The following UBAC2 variants were observed in gnomAD, a reference collection of about 807,000 sequenced individuals.
UBAC2 encodes ubiquitin-associated domain-containing protein 2.
Under a neutral mutation model 44.0 loss-of-function variants are expected in UBAC2, and 26 were observed. That is an observed-to-expected ratio of 0.59 (90% CI 0.43 to 0.82). The LOEUF (loss-of-function observed/expected upper bound fraction) is 0.82, where lower values mean the gene tolerates loss of function less well. Ranked by LOEUF, UBAC2 falls within the 40% of genes least tolerant of loss-of-function variation. The probability of loss-of-function intolerance (pLI) is 0.00; values close to 1 mark genes in which losing one functional copy is unlikely to be tolerated. For missense variants in UBAC2, 329 were observed against 419.4 expected, an observed-to-expected ratio of 0.78 and a Z score of 1.88; for synonymous variants, 155 against 154.3, an observed-to-expected ratio of 1.00 and a Z score of -0.04.
chr13:99,237,788 C>G (rs184175325), intron 1 of UBAC2, among the ~76,000 whole-genome samples: 3 of 152,268 alleles, frequency 2.0e-5, no homozygotes, highest in East Asian at 3.9e-4. Context: ...AACATGGTCT[C>G]TACTAAGAAT....
rs776677891 is a variant in UBAC2 at position 99,200,929 on chromosome 13, C to A, written c.21C>A (p.Ser7=). 2.3e-6 allele frequency: 3 copies of A among 1,307,230 alleles called. No homozygotes were observed. Among genetic ancestry groups the A allele is most frequent in the Non-Finnish European group, 2.9e-6 (3 of 1,019,842 alleles). 81.0% of individuals were successfully genotyped at this position (1,307,230 alleles called of 1,614,324 possible). The change falls in exon 1 of 9, where the codon TCC becomes TCA. Residue 7 remains serine, a synonymous_variant. Coordinates refer to ENST00000403766, the MANE Select transcript of UBAC2 (RefSeq NM_001144072.2). MFTSTG[S]SGLYKAPLSK... ...GGACCATGTTCACCAGCACCGGCTC[C>A]AGTGGGCTCTGTGAGTACCGGCCTC... is the stretch of plus-strand genomic sequence containing the variant.
chr13:99,299,365 T>C (rs1490387189), intron 4 of UBAC2, among the ~76,000 whole-genome samples: 1 of 152,126 alleles, frequency 6.6e-6, no homozygotes, highest in Non-Finnish European at 1.5e-5. Context: ...AACATGAAAA[T>C]GCCTGTTTCT....
At chr13:99,367,956 T>G in intron 8 of UBAC2, 50 bp downstream of exon 8, 1 of 1,588,838 alleles carries the variant, frequency 6.3e-7, no homozygotes, top group African/African-American at 1.4e-5. Flanking sequence ...TGTTTCAGAG[T>G]TGAAGCAGTT....
intron 4 of UBAC2, among the ~76,000 whole-genome samples, chr13:99,297,262 T>G (rs1407408346): frequency 6.6e-6 from 1 of 152,196 alleles, no homozygotes; most frequent in East Asian, 1.9e-4. Context: ...AAATCCTGTG[T>G]GATTATTTTT....
At chr13:99,333,156 A>G (rs1872317593) in intron 6 of UBAC2, among the ~76,000 whole-genome samples, 1 of 152,224 alleles carries the variant, frequency 6.6e-6, no homozygotes, top group South Asian at 2.1e-4. Context: ...TGTGAATGTA[A>G]CATAGTATTA....
intron 5 of UBAC2, among the ~76,000 whole-genome samples, chr13:99,315,258 C>G (rs374916208): frequency 6.6e-6 from 1 of 152,098 alleles, no homozygotes; most frequent in African/African-American, 2.4e-5. Context: ...GCATTTGATT[C>G]TTATGAGTAG....
At chr13:99,246,776 A>G (rs1025256954) in intron 4 of UBAC2, among the ~76,000 whole-genome samples, 6 of 152,160 alleles carry the variant, frequency 3.9e-5, no homozygotes, top group African/African-American at 1.2e-4. Flanking sequence ...AGAGTTACAA[A>G]CTTGAATAAA....
intron 4 of UBAC2, among the ~76,000 whole-genome samples, chr13:99,257,015 G>A (rs1179075188): frequency 2.0e-5 from 3 of 152,116 alleles, no homozygotes; most frequent in African/African-American, 4.8e-5. Flanking sequence ...ACGGGCTATT[G>A]ATAATTAAGA....
chr13:99,271,619 A>G (rs2043817118), intron 4 of UBAC2, among the ~76,000 whole-genome samples: 1 of 152,212 alleles, frequency 6.6e-6, no homozygotes, highest in African/African-American at 2.4e-5. Flanking sequence ...TTTTTAAAAA[A>G]GCACTTAATC....
chr13:99,257,673 A>G (rs2043588778), intron 4 of UBAC2, among the ~76,000 whole-genome samples: 1 of 152,226 alleles, frequency 6.6e-6, no homozygotes, highest in Non-Finnish European at 1.5e-5. Flanking sequence ...TTTAAAAGCT[A>G]TAGATACCAT....
At chr13:99,356,284 T>C (rs1419077708) in intron 7 of UBAC2, 1 of 494,534 alleles carries the variant, frequency 2.0e-6, no homozygotes, top group Non-Finnish European at 4.3e-6. Flanking sequence ...CCTGACCCTT[T>C]TAGCCCCTGC....
At position 99,340,172 on chromosome 13, in the gene UBAC2, G is replaced by A; in HGVS notation, c.562-148G>A. On this transcript the variant is annotated intron_variant, in intron 6 of 8. Transcript: ENST00000403766. ...TTTGCACTGCTTAGTGTTCTGCAGT[G>A]TGGTAGAGGATTTTGCTTATTGCCT... is the stretch of plus-strand genomic sequence containing the variant. The A allele has an allele frequency of 9.3e-6, 7 of 754,744 alleles. No homozygotes were observed. The South Asian group carries it at 1.3e-4, about 14-fold the overall frequency. The allele number at this position is 754,744 out of a possible 1,614,324, so 46.8% of individuals were successfully genotyped here. A position where few individuals can be genotyped will look rare whatever the true frequency, so the allele number is the denominator to read the frequency against.
intron 4 of UBAC2, chr13:99,294,831 C>T (rs921457135): frequency 2.5e-5 from 10 of 392,566 alleles, no homozygotes; most frequent in East Asian, 1.3e-4. Flanking sequence ...TTGGTGTATT[C>T]GTTTACAAAT....
chr13:99,385,577 G>C lies in UBAC2; in HGVS notation c.*242G>C, dbSNP rs1566534283. On this transcript the variant is annotated 3_prime_UTR_variant, in exon 9 of 9. Transcript: ENST00000403766. ...TTTATTGGGCATTTTCCCTAGGTTG[G>C]AGAGTCAGCACTCGTTTTGAATGTG... 2.0e-6 allele frequency: 1 copy of C among 494,764 alleles called. No homozygotes were observed. The highest frequency in any genetic ancestry group is 3.7e-6 in the Non-Finnish European group (1 of 273,566). 30.6% of individuals were successfully genotyped at this position (494,764 alleles called of 1,614,324 possible).
At position 99,246,604 on chromosome 13, in the gene UBAC2, G is replaced by A. The variant is rs148366806; in HGVS notation, c.389+1980G>A. Among the ~76,000 whole-genome samples, 354 of 152,240 alleles carry A rather than the reference G, an allele frequency of 2.3e-3. 3 individuals carry two copies. The highest frequency in any genetic ancestry group is 4.0e-3 in the Non-Finnish European group (274 of 67,992). Reference sequence around the variant, plus strand: ...TTGTCTTCTTTTTCCTGCTGCACATGGAATCGAATGACAGTAGAACTTTCA... The same window carrying A: ...TTGTCTTCTTTTTCCTGCTGCACATAGAATCGAATGACAGTAGAACTTTCA... On this transcript the variant is annotated intron_variant, in intron 4 of 8. Coordinates refer to ENST00000403766, the MANE Select transcript of UBAC2 (RefSeq NM_001144072.2).
At chr13:99,272,650 C>T (rs1454446384) in intron 4 of UBAC2, among the ~76,000 whole-genome samples, 2 of 152,112 alleles carry the variant, frequency 1.3e-5, no homozygotes, top group Non-Finnish European at 2.9e-5. Flanking sequence ...TGTGTCCTTA[C>T]ATGGCTGAGA....
chr13:99,216,348 G>T (rs1415120842), intron 1 of UBAC2, among the ~76,000 whole-genome samples: 1 of 152,100 alleles, frequency 6.6e-6, no homozygotes, highest in Non-Finnish European at 1.5e-5. Context: ...CAGGTGATCC[G>T]CTCACCTTGG....
At chr13:99,350,757 C>T (rs1019896498) in intron 7 of UBAC2, among the ~76,000 whole-genome samples, 2 of 152,244 alleles carry the variant, frequency 1.3e-5, no homozygotes, top group Admixed American at 6.5e-5. Context: ...ATTTATAGCA[C>T]GTTGGTTAGA....
intron 8 of UBAC2, among the ~76,000 whole-genome samples, chr13:99,377,849 C>G (rs570440794): frequency 1.3e-5 from 2 of 152,350 alleles, no homozygotes; most frequent in South Asian, 4.1e-4. Context: ...ATCTCCCAAA[C>G]TGCGAGGAAA....
Sources: allele counts gnomAD v4.1 joint callset (sites outside exome capture counted in the v4.1 genomes callset), GRCh38; gene constraint gnomAD v4.1.1; transcripts MANE v1.5; gene names NCBI Gene and HGNC (gene_info 2026-07-23, HGNC 2026-07-21).